Variants in CEP128 observed in about 807,000 individuals in gnomAD.
CEP128 encodes the protein centrosomal protein 128, also known as centrosomal protein 128kDa.
A neutral mutation model predicts 156.7 loss-of-function variants in CEP128; 132 were observed. The observed-to-expected ratio is 0.84, with a 90% CI of 0.73 to 0.97. The LOEUF is 0.97. Ranked by LOEUF, CEP128 falls within the 50% of genes least tolerant of loss-of-function variation. The pLI is 0.00. For missense variants in CEP128, 1,252 were observed against 1,281.9 expected, an observed-to-expected ratio of 0.98 and a Z score of 0.36; for synonymous variants, 469 against 448.9, an observed-to-expected ratio of 1.04 and a Z score of -0.57.
At chr14:80,851,303 C>G (rs1278894189) in intron 9 of CEP128, among the ~76,000 whole-genome samples, 1 of 151,984 alleles carries the variant, frequency 6.6e-6, no homozygotes, top group Non-Finnish European at 1.5e-5. Context: ...GTGTTAAATG[C>G]TATTTTTAAA....
chr14:80,603,747 G>A (rs769838271), intron 19 of CEP128, among the ~76,000 whole-genome samples: 2 of 152,118 alleles, frequency 1.3e-5, no homozygotes, highest in Non-Finnish European at 2.9e-5. Context: ...TTATGTGTTG[G>A]TGATTAGAGA....
intron 15 of CEP128, among the ~76,000 whole-genome samples, chr14:80,778,574 C>T (rs909333061): frequency 1.3e-5 from 2 of 152,102 alleles, no homozygotes; most frequent in African/African-American, 4.8e-5. Flanking sequence ...CAATACTACT[C>T]TTATGGGGCT....
At chr14:80,619,359 G>GACAC (rs765931874) in intron 19 of CEP128, among the ~76,000 whole-genome samples, 26 of 72,674 alleles carry the variant, frequency 3.6e-4, no homozygotes, top group Admixed American at 7.7e-4. Context: ...ATGATTTAAA[G>GACAC]ACACACAGAC....
intron 13 of CEP128, among the ~76,000 whole-genome samples, chr14:80,811,745 TAGAC>T (rs1166804345): frequency 6.6e-6 from 1 of 151,036 alleles, no homozygotes; most frequent in African/African-American, 2.4e-5. Flanking sequence ...ATTATCCAGA[TAGAC>T]AGGTAACAGT....
intron 24 of CEP128, among the ~76,000 whole-genome samples, chr14:80,502,236 A>G (rs1352757140): frequency 6.6e-6 from 1 of 152,110 alleles, no homozygotes; most frequent in African/African-American, 2.4e-5. Context: ...CTAAGCCTCA[A>G]TTTTGGGGCT....
upstream of CEP128, among the ~76,000 whole-genome samples, chr14:80,944,290 G>A (rs1344690783): frequency 6.6e-6 from 1 of 152,202 alleles, no homozygotes; most frequent in Non-Finnish European, 1.5e-5. Context: ...CTCTTGAATT[G>A]TAATCCCCAC....
At chr14:80,560,289 G>A (rs1890614088) in intron 20 of CEP128, among the ~76,000 whole-genome samples, 2 of 152,088 alleles carry the variant, frequency 1.3e-5, no homozygotes, top group Non-Finnish European at 2.9e-5. Context: ...GCCAGGTGCG[G>A]TGCCGCGTGC....
At chr14:80,698,583 C>T (rs947213323) in intron 19 of CEP128, among the ~76,000 whole-genome samples, 4 of 152,066 alleles carry the variant, frequency 2.6e-5, no homozygotes, top group African/African-American at 7.2e-5. Flanking sequence ...ACGAAAAATG[C>T]AAATGCATAG....
intron 19 of CEP128, among the ~76,000 whole-genome samples, chr14:80,683,485 A>G (rs1213899286): frequency 6.6e-6 from 1 of 152,194 alleles, no homozygotes; most frequent in African/African-American, 2.4e-5. Flanking sequence ...AAATATTTCT[A>G]GACCTAAGAA....
chr14:80,932,204 G>A (rs1263427059), intron 2 of CEP128, among the ~76,000 whole-genome samples: 1 of 152,204 alleles, frequency 6.6e-6, no homozygotes, highest in Non-Finnish European at 1.5e-5. Flanking sequence ...GGAACTATGG[G>A]TCAATTAAAC....
chr14:80,623,619 CAAAAA>C (rs946576347), intron 19 of CEP128, among the ~76,000 whole-genome samples: 3 of 147,492 alleles, frequency 2.0e-5, no homozygotes, highest in Admixed American at 1.3e-4. Flanking sequence ...TGTCATAAAA[CAAAAA>C]AAAAGGAAAT....
intron 20 of CEP128, among the ~76,000 whole-genome samples, chr14:80,572,273 A>G (rs950413097): frequency 6.6e-6 from 1 of 152,208 alleles, no homozygotes; most frequent in African/African-American, 2.4e-5. Context: ...AGAAGTGAGA[A>G]CTACAGTTTC....
intron 2 of CEP128, among the ~76,000 whole-genome samples, chr14:80,918,039 A>G (rs748278910): frequency 2.6e-5 from 4 of 152,144 alleles, no homozygotes; most frequent in East Asian, 3.9e-4. Flanking sequence ...TTCTGCACCT[A>G]TCTTCTCTGG....
At chr14:80,646,994 A>AATAT (rs372341494) in intron 19 of CEP128, among the ~76,000 whole-genome samples, 9,515 of 76,540 alleles carry the variant, frequency 0.12, 1,391 homozygotes, top group Non-Finnish European at 0.16. Flanking sequence ...ATTTATAAGA[A>AATAT]ATATATATAT....
chr14:80,691,031 GT>G (rs1896704243), intron 19 of CEP128, among the ~76,000 whole-genome samples: 1 of 151,928 alleles, frequency 6.6e-6, no homozygotes. Flanking sequence ...ACCCTAAAAG[GT>G]ATTAAATAAC....
chr14:80,820,048 T>G (rs79102512), intron 13 of CEP128, among the ~76,000 whole-genome samples: 8,217 of 152,280 alleles, frequency 0.054, 228 homozygotes, highest in Non-Finnish European at 0.065. Context: ...TCTTAAACTC[T>G]ACCTACATAA....
At chr14:80,586,627 C>A (rs1458124922) in intron 19 of CEP128, among the ~76,000 whole-genome samples, 1 of 152,180 alleles carries the variant, frequency 6.6e-6, no homozygotes, top group Non-Finnish European at 1.5e-5. Context: ...GTAACATCGA[C>A]AATCTGTGGG....
chr14:80,583,014 CAAT>C (rs972636838), intron 19 of CEP128, among the ~76,000 whole-genome samples: 2 of 152,140 alleles, frequency 1.3e-5, no homozygotes, highest in African/African-American at 4.8e-5. Context: ...CTTACTGGAT[CAAT>C]AATGAGTGTC....
intron 19 of CEP128, among the ~76,000 whole-genome samples, chr14:80,683,938 A>G (rs1269603673): frequency 6.6e-6 from 1 of 152,142 alleles, no homozygotes; most frequent in Non-Finnish European, 1.5e-5. Context: ...TCTGAGATGT[A>G]GCAAAAGTAG....
Sources: allele counts gnomAD v4.1 joint callset (sites outside exome capture counted in the v4.1 genomes callset), GRCh38; gene constraint gnomAD v4.1.1; transcripts MANE v1.5; gene names NCBI Gene and HGNC (gene_info 2026-07-23, HGNC 2026-07-21).